Variants in IL20RB observed in about 807,000 individuals in gnomAD.
The protein encoded by IL20RB is interleukin 20 receptor subunit beta, also known as interleukin-20 receptor subunit beta.
A neutral mutation model predicts 33.3 loss-of-function variants in IL20RB; 21 were observed. That is an observed-to-expected ratio of 0.63 (90% confidence interval 0.45 to 0.91). The LOEUF (loss-of-function observed/expected upper bound fraction) is 0.91. IL20RB is among the 40% of genes least tolerant of loss of function. The probability of loss-of-function intolerance (pLI) is 0.00; values close to 1 mark genes in which losing one functional copy is unlikely to be tolerated. For synonymous variants in IL20RB, 147 were observed against 146.8 expected (o/e 1.00, Z -0.01); for missense variants, 345 against 384.8 (o/e 0.90, Z 0.86).
intron 1 of IL20RB, 155 bp from the exon 2 acceptor site, chr3:136,980,311 A>G: frequency 1.4e-6 from 1 of 736,290 alleles, no homozygotes. Context: ...TTTGAGACAG[A>G]GTCTCATTCT....
chr3:136,960,510 A>G (rs890738158), intron 1 of IL20RB, among the ~76,000 whole-genome samples: 2 of 152,198 alleles, frequency 1.3e-5, no homozygotes. Flanking sequence ...TGTGTGATTC[A>G]GAAAGCTGAT....
intron 6 of IL20RB, among the ~76,000 whole-genome samples, chr3:137,007,286 C>T (rs771409562): frequency 3.9e-5 from 6 of 152,130 alleles, no homozygotes; most frequent in Non-Finnish European, 7.4e-5. Context: ...TCTCGGAGGT[C>T]AAATGCTGTG....
rs116592904 is a variant in IL20RB at position 137,010,179 on chromosome 3, G to A, written c.892G>A (p.Ala298Thr). The A allele has an allele frequency of 2.8e-4, 456 of 1,607,716 alleles. No individual in the cohort carries two copies. In the African/African-American group the frequency reaches 5.0e-3, roughly 18 times the overall value. The change falls in exon 7 of 7, where the codon GCT becomes ACT. Residue 298 changes from alanine (A) to threonine (T), a missense_variant. Transcript: ENST00000329582. ...RREEVDACAT[A>T]VMSPEELLRA... ...GGAGGAGGTGGATGCCTGTGCCACG[G>A]CTGTGATGTCTCCTGAGGAACTCCT...
intron 1 of IL20RB, among the ~76,000 whole-genome samples, chr3:136,971,484 C>T (rs1394867274): frequency 6.6e-6 from 1 of 152,204 alleles, no homozygotes. Flanking sequence ...TTCATCCTCC[C>T]ACTCCCACCC....
intron 3 of IL20RB, among the ~76,000 whole-genome samples, chr3:136,982,879 T>C (rs1487357389): frequency 6.6e-6 from 1 of 152,140 alleles, no homozygotes; most frequent in African/African-American, 2.4e-5. Flanking sequence ...AAAGAAGTAA[T>C]AGAGGAATCC....
At chr3:136,999,773 G>A (rs1019977278) in intron 6 of IL20RB, among the ~76,000 whole-genome samples, 2 of 151,944 alleles carry the variant, frequency 1.3e-5, no homozygotes, top group South Asian at 2.1e-4. Context: ...TTTTAGGCAC[G>A]TCTAGTGAAT....
intron 1 of IL20RB, among the ~76,000 whole-genome samples, chr3:136,970,184 C>T (rs1235437456): frequency 6.6e-6 from 1 of 152,002 alleles, no homozygotes; most frequent in Non-Finnish European, 1.5e-5. Flanking sequence ...TCTCAACCTC[C>T]TGGATTCAGG....
At chr3:136,974,793 G>A (rs887516649) in intron 1 of IL20RB, among the ~76,000 whole-genome samples, 7 of 152,110 alleles carry the variant, frequency 4.6e-5, no homozygotes, top group African/African-American at 1.2e-4. Flanking sequence ...CAAATGTCAC[G>A]AAGCTTTTGC....
chr3:137,007,268 C>G (rs1440318013), intron 6 of IL20RB, among the ~76,000 whole-genome samples: 6 of 152,168 alleles, frequency 3.9e-5, no homozygotes, highest in Admixed American at 6.5e-5. Context: ...AAGAGGCAGT[C>G]TGTCTGTTCT....
At chr3:136,985,748 A>G (rs1360231362) in intron 3 of IL20RB, among the ~76,000 whole-genome samples, 3 of 152,156 alleles carry the variant, frequency 2.0e-5, no homozygotes, top group African/African-American at 4.8e-5. Context: ...GCTCTTCCCC[A>G]GAGAGTCTGG....
chr3:136,985,582 C>T (rs1200450845), intron 3 of IL20RB, among the ~76,000 whole-genome samples: 1 of 152,128 alleles, frequency 6.6e-6, no homozygotes, highest in South Asian at 2.1e-4. Context: ...GGTGATCCGC[C>T]CACCTCAGCC....
chr3:136,959,098 C>G (rs1396650736), intron 1 of IL20RB: 2 of 152,142 alleles, frequency 1.3e-5, no homozygotes, highest in African/African-American at 4.8e-5. Flanking sequence ...GCTTAAAAAC[C>G]TTCACAGCTC....
intron 1 of IL20RB, among the ~76,000 whole-genome samples, chr3:136,960,529 CAATAGT>C (rs1009086296): frequency 7.2e-5 from 11 of 152,272 alleles, no homozygotes; most frequent in Admixed American, 5.2e-4. Context: ...ATTATGCTAC[CAATAGT>C]AATAATCACA....
intron 3 of IL20RB, among the ~76,000 whole-genome samples, chr3:136,984,580 C>G (rs934888205): frequency 6.6e-6 from 1 of 151,554 alleles, no homozygotes; most frequent in Non-Finnish European, 1.5e-5. Flanking sequence ...TCAAAATTTA[C>G]TGAGGAATGT....
chr3:136,986,879 T>C (rs1941913207), intron 3 of IL20RB: 1 of 401,004 alleles, frequency 2.5e-6, no homozygotes, highest in South Asian at 1.9e-5. Flanking sequence ...GGGTTCCTAG[T>C]CTCGCTGGCT....
intron 5 of IL20RB, among the ~76,000 whole-genome samples, chr3:136,994,207 T>A (rs1275457465): frequency 1.3e-5 from 2 of 152,144 alleles, no homozygotes; most frequent in Non-Finnish European, 1.5e-5. Context: ...GACCTACTAT[T>A]TGATAGCACA....
At chr3:136,973,831 T>A (rs1941551267) in intron 1 of IL20RB, among the ~76,000 whole-genome samples, 1 of 152,212 alleles carries the variant, frequency 6.6e-6, no homozygotes, top group Admixed American at 6.5e-5. Flanking sequence ...CTTTGTCTTT[T>A]TTTAATTGCT....
At chr3:136,963,814 G>T (rs1325062823) in intron 1 of IL20RB, among the ~76,000 whole-genome samples, 2 of 98,098 alleles carry the variant, frequency 2.0e-5, no homozygotes. Context: ...TCTAGCATTA[G>T]GTATATCTCC....
intron 6 of IL20RB, among the ~76,000 whole-genome samples, chr3:137,000,121 T>C (rs922530639): frequency 2.0e-5 from 3 of 152,218 alleles, no homozygotes; most frequent in African/African-American, 7.2e-5. Flanking sequence ...GTTATGTTCC[T>C]CTGAAAACTA....
Sources: allele counts gnomAD v4.1 joint callset (sites outside exome capture counted in the v4.1 genomes callset), GRCh38; gene constraint gnomAD v4.1.1; transcripts MANE v1.5; gene names NCBI Gene and HGNC (gene_info 2026-07-23, HGNC 2026-07-21).